Variants in PLCG2 observed in about 807,000 individuals in gnomAD.
The protein encoded by PLCG2 is phospholipase C gamma 2, also known as 1-phosphatidylinositol 4,5-bisphosphate phosphodiesterase gamma-2.
In PLCG2, 69 loss-of-function variants were observed where a neutral mutation model predicts 175.6. The ratio of observed to expected loss-of-function variants is 0.39; its 90% CI spans 0.32 to 0.48. PLCG2 has a LOEUF of 0.48. Among genes scored for constraint, PLCG2 ranks in the 20% least tolerant of loss-of-function variants. The pLI, the probability that PLCG2 is intolerant of heterozygous loss-of-function variation, is 0.91. For missense variants in PLCG2, 1,798 were observed against 1,650.9 expected, an observed-to-expected ratio of 1.09 and a Z score of -1.54; for synonymous variants, 827 against 624.0, an observed-to-expected ratio of 1.33 and a Z score of -4.85.
At position 81,934,883 on chromosome 16, in the gene PLCG2, G is replaced by A. The variant is rs540252265; in HGVS notation, c.2842+352G>A. Among the ~76,000 whole-genome samples, 123 of 152,238 alleles carry A rather than the reference G, an allele frequency of 8.1e-4. 1 individual carries two copies. The highest frequency in any genetic ancestry group is 6.3e-4 in the Non-Finnish European group (43 of 68,008). On this transcript the variant is annotated intron_variant, in intron 26 of 32. Transcript: ENST00000564138. ...AGGGGAAACCCTTATAAAACCATCA[G>A]ATCTCGCGAGACTTATTCAGTACCA...
chr16:81,842,515 A>G (rs956055559), intron 2 of PLCG2, among the ~76,000 whole-genome samples: 2 of 152,200 alleles, frequency 1.3e-5, no homozygotes, highest in African/African-American at 4.8e-5. Flanking sequence ...AGGTTGGGGT[A>G]TGTGTGGGAA....
chr16:81,956,666 A>G (rs979656454), intron 31 of PLCG2, 29 bp from the exon 32 acceptor site: 74 of 1,601,480 alleles, frequency 4.6e-5, no homozygotes, highest in Non-Finnish European at 6.3e-5. Context: ...TAGTCACCAC[A>G]TGGTTGTTCT....
At chr16:81,785,911 A>T in intron 1 of PLCG2, 32 bp from the exon 2 acceptor site, 1 of 1,359,644 alleles carries the variant, frequency 7.4e-7, no homozygotes, top group Admixed American at 2.0e-5. Context: ...TCAGTACTAA[A>T]ATCAGTTCAC....
intron 2 of PLCG2, among the ~76,000 whole-genome samples, chr16:81,832,175 C>T (rs1050592549): frequency 2.0e-5 from 3 of 152,132 alleles, no homozygotes; most frequent in Non-Finnish European, 2.9e-5. Context: ...AGCCTTTGCT[C>T]AGTGCCTGAC....
chr16:81,937,171 G>A (rs774435580), intron 27 of PLCG2, among the ~76,000 whole-genome samples: 2 of 152,200 alleles, frequency 1.3e-5, no homozygotes, highest in Non-Finnish European at 2.9e-5. Context: ...TAGAGATCGT[G>A]GGCGGGGATG....
intron 30 of PLCG2, 81 bp from the exon 31 acceptor site, chr16:81,946,094 A>G (rs2143754006): frequency 9.7e-7 from 1 of 1,034,842 alleles, no homozygotes; most frequent in Admixed American, 1.7e-5. Flanking sequence ...TAGGCCTATG[A>G]TCCCGAGGTA....
chr16:81,791,550 G>T (rs141302098), intron 2 of PLCG2, among the ~76,000 whole-genome samples: 29 of 152,252 alleles, frequency 1.9e-4, no homozygotes, highest in African/African-American at 6.0e-4. Context: ...CTGGAAGACT[G>T]AGCTTAGCTG....
Position 81,830,895 on chromosome 16 carries a change from A to C in PLCG2, c.194-23549A>C, listed in dbSNP as rs547482290. On this transcript the variant is annotated intron_variant, in intron 2 of 32. Transcript: ENST00000564138. ...CGTGACTAGAATGTCCAGGCAGGAG[A>C]GGGGAGATGGACAGGCACTGCGGGT... Among the ~76,000 whole-genome samples, 13 of 151,912 alleles carry C rather than the reference A, an allele frequency of 8.6e-5. No individual in the cohort carries two copies. In the East Asian group the frequency reaches 1.7e-3, roughly 20 times the overall value.
At chr16:81,879,325 G>T (rs1306321139) in intron 7 of PLCG2, among the ~76,000 whole-genome samples, 2 of 152,130 alleles carry the variant, frequency 1.3e-5, no homozygotes, top group African/African-American at 4.8e-5. Flanking sequence ...TCTAAAATCT[G>T]CAACACCACC....
At chr16:81,821,412 A>C (rs926347548) in intron 2 of PLCG2, among the ~76,000 whole-genome samples, 2 of 152,180 alleles carry the variant, frequency 1.3e-5, no homozygotes, top group Non-Finnish European at 2.9e-5. Context: ...GAATGAAATA[A>C]TACAAATGTA....
chr16:81,854,611 T>C (rs1350631633), intron 3 of PLCG2, 24 bp downstream of exon 3: 1 of 1,608,008 alleles, frequency 6.2e-7, no homozygotes. Context: ...TCTGTGCCTT[T>C]CTCCTTCCCT....
At chr16:81,875,650 C>T (rs1212798655) in intron 7 of PLCG2, among the ~76,000 whole-genome samples, 2 of 152,200 alleles carry the variant, frequency 1.3e-5, no homozygotes, top group African/African-American at 4.8e-5. Context: ...TCTGCCAATA[C>T]TGTAATTTAA....
chr16:81,774,458 T>C (rs914444529), upstream of PLCG2, among the ~76,000 whole-genome samples: 2 of 152,294 alleles, frequency 1.3e-5, no homozygotes, highest in South Asian at 2.1e-4. Context: ...CCTAACCCCA[T>C]TGAAAGCCCA....
chr16:81,803,761 A>G (rs1911867088), intron 2 of PLCG2, among the ~76,000 whole-genome samples: 2 of 149,584 alleles, frequency 1.3e-5, no homozygotes, highest in South Asian at 4.2e-4. Context: ...GGTTCACTGC[A>G]TCCTCTACCT....
At chr16:81,843,045 G>A (rs577179831) in intron 2 of PLCG2, among the ~76,000 whole-genome samples, 1 of 151,636 alleles carries the variant, frequency 6.6e-6, no homozygotes, top group Admixed American at 6.6e-5. Flanking sequence ...GAAGGGGGTG[G>A]GGTTGTGCAA....
At chr16:81,796,514 G>A (rs1209199029) in intron 2 of PLCG2, among the ~76,000 whole-genome samples, 2 of 152,204 alleles carry the variant, frequency 1.3e-5, no homozygotes, top group Non-Finnish European at 2.9e-5. Flanking sequence ...GGCAGTGGTG[G>A]GTGCCTGTTA....
At chr16:81,943,929 A>C (rs1464553520) in intron 30 of PLCG2, among the ~76,000 whole-genome samples, 1 of 152,206 alleles carries the variant, frequency 6.6e-6, no homozygotes, top group Admixed American at 6.5e-5. Context: ...CAAAGGATGG[A>C]TGCTCTCAAA....
At chr16:81,766,679 CG>C (rs1294104567) in intron 2 of PLCG2, 1 of 152,258 alleles carries the variant, frequency 6.6e-6, no homozygotes, top group Non-Finnish European at 1.5e-5. Context: ...GAAGAGCCAT[CG>C]GTATTTTGTC....
chr16:81,899,882 T>C (rs11863870), intron 13 of PLCG2, among the ~76,000 whole-genome samples: 11,300 of 152,278 alleles, frequency 0.074, 495 homozygotes, highest in African/African-American at 0.11. Context: ...TATTGATTCA[T>C]TGAGGAAAAT....
Sources: allele counts gnomAD v4.1 joint callset (sites outside exome capture counted in the v4.1 genomes callset), GRCh38; gene constraint gnomAD v4.1.1; transcripts MANE v1.5; gene names NCBI Gene and HGNC (gene_info 2026-07-23, HGNC 2026-07-21).